WRN: variants seen among roughly 807,000 people sequenced by gnomAD.
WRN encodes the protein bifunctional 3'-5' exonuclease/ATP-dependent helicase WRN.
WRN carries 149 observed loss-of-function variants against 180.7 expected under a neutral mutation model. The ratio of observed to expected loss-of-function variants is 0.82; its 90% CI spans 0.72 to 0.94. The LOEUF (loss-of-function observed/expected upper bound fraction) is 0.94. Among genes scored for constraint, WRN ranks in the 40% least tolerant of loss-of-function variants. WRN has a pLI of 0.00. For missense variants in WRN, 1,661 were observed against 1,700.1 expected, an observed-to-expected ratio of 0.98 and a Z score of 0.40; for synonymous variants, 548 against 568.9, an observed-to-expected ratio of 0.96 and a Z score of 0.52.
intron 20 of WRN, among the ~76,000 whole-genome samples, chr8:31,116,821 A>G (rs1801540723): frequency 6.6e-6 from 1 of 152,192 alleles, no homozygotes; most frequent in African/African-American, 2.4e-5. Flanking sequence ...TTTTTCAAGT[A>G]TGCCAGGCCA....
chr8:31,066,966 T>C, intron 5 of WRN, 67 bp from the exon 6 acceptor site: 1 of 1,578,470 alleles, frequency 6.3e-7, no homozygotes, highest in East Asian at 2.2e-5. Flanking sequence ...TATGTTCATT[T>C]GATATCATTT....
chr8:31,064,959 A>G lies in WRN; in HGVS notation c.400A>G (p.Lys134Glu). The G allele has an allele frequency of 6.2e-7, 1 of 1,613,682 alleles. No homozygotes were observed. Among genetic ancestry groups the G allele is most frequent in the Non-Finnish European group, 8.5e-7 (1 of 1,179,766 alleles). Residue 134 changes from lysine (K) to glutamate (E), a missense_variant, in exon 5 of 35, where the codon AAA becomes GAA. Coordinates refer to ENST00000298139, the MANE Select transcript of WRN (RefSeq NM_000553.6). ...AATGTTGCTTGAAAATAAAGCAGTTAAAAAGGCAGGTGTAGGAATTGAAGG... is the reference window on the plus strand; with the variant it reads ...AATGTTGCTTGAAAATAAAGCAGTTGAAAAGGCAGGTGTAGGAATTGAAGG... ...LKMLLENKAVKKAGVGIEGDQ... is the reference protein window; with the variant it reads ...LKMLLENKAVEKAGVGIEGDQ...
At chr8:31,134,527 T>C (rs562066045) in intron 24 of WRN, among the ~76,000 whole-genome samples, 1 of 152,340 alleles carries the variant, frequency 6.6e-6, no homozygotes, top group South Asian at 2.1e-4. Context: ...GTTTTAGCTG[T>C]CTGAACAACT....
In WRN at chr8:31,043,016, C is replaced by G. The variant is rs560134494; in HGVS notation, c.-77+9043C>G. ...TCTTCAGTTGCAAGTAATGGAAAAA[C>G]CATTCAAACTGACTTCAGCAATAAA... On this transcript the variant is annotated intron_variant, in intron 1 of 34. Coordinates refer to ENST00000298139, the MANE Select transcript of WRN (RefSeq NM_000553.6). 3.3e-3 allele frequency among the ~76,000 whole-genome samples: 501 copies of G among 152,286 alleles called. 5 individuals carry two copies. The highest frequency in any genetic ancestry group is 0.012 in the African/African-American group (485 of 41,554).
intron 1 of WRN, among the ~76,000 whole-genome samples, chr8:31,056,650 G>A (rs1009870726): frequency 1.3e-5 from 2 of 152,132 alleles, no homozygotes; most frequent in African/African-American, 4.8e-5. Context: ...ACACGTTGTA[G>A]TTTTGTATGA....
chr8:31,054,137 A>G (rs1459587755), intron 1 of WRN, among the ~76,000 whole-genome samples: 8 of 152,172 alleles, frequency 5.3e-5, no homozygotes, highest in Non-Finnish European at 1.2e-4. Context: ...ATATTGTTAA[A>G]AAGTCTTGGT....
At chr8:31,073,687 C>T (rs1812994453) in intron 7 of WRN, among the ~76,000 whole-genome samples, 1 of 152,042 alleles carries the variant, frequency 6.6e-6, no homozygotes, top group African/African-American at 2.4e-5. Context: ...CTCAAGGGCA[C>T]ACCAGCATTT....
intron 20 of WRN, among the ~76,000 whole-genome samples, chr8:31,117,094 C>T (rs552407507): frequency 9.7e-4 from 147 of 152,284 alleles, no homozygotes; most frequent in Admixed American, 1.8e-3. Flanking sequence ...AAGAAGCAGT[C>T]TGGGCTTGGT....
chr8:31,127,033 A>C (rs1225540978), intron 23 of WRN, among the ~76,000 whole-genome samples: 1 of 152,244 alleles, frequency 6.6e-6, no homozygotes, highest in Non-Finnish European at 1.5e-5. Flanking sequence ...ACAGTGAATT[A>C]GATAACCTGC....
At chr8:31,129,109 A>G (rs1802047548) in intron 23 of WRN, among the ~76,000 whole-genome samples, 1 of 152,110 alleles carries the variant, frequency 6.6e-6, no homozygotes, top group South Asian at 2.1e-4. Context: ...CAGCTTCCCA[A>G]GTAGCTACAG....
At chr8:31,110,435 A>AT (rs1466354978) in intron 18 of WRN, among the ~76,000 whole-genome samples, 1 of 152,150 alleles carries the variant, frequency 6.6e-6, no homozygotes, top group Non-Finnish European at 1.5e-5. Context: ...TTTTGATTTA[A>AT]TTTTTTTAAT....
intron 34 of WRN, among the ~76,000 whole-genome samples, chr8:31,167,647 A>T (rs1803952804): frequency 6.6e-6 from 1 of 152,094 alleles, no homozygotes; most frequent in Non-Finnish European, 1.5e-5. Flanking sequence ...TATGATATTG[A>T]ATATCTGAGG....
chr8:31,162,277 G>A (rs1173174459), intron 33 of WRN, among the ~76,000 whole-genome samples: 1 of 151,712 alleles, frequency 6.6e-6, no homozygotes, highest in Admixed American at 6.6e-5. Context: ...TTTTGATTTT[G>A]TTAAATTTGT....
chr8:31,072,930 C>T (rs1812965465), intron 7 of WRN, among the ~76,000 whole-genome samples: 1 of 152,006 alleles, frequency 6.6e-6, no homozygotes, highest in Admixed American at 6.6e-5. Flanking sequence ...TTGGCTGGCT[C>T]TTTTGGAGGA....
In WRN at chr8:31,103,111, C is replaced by T. The variant is rs964362844; in HGVS notation, c.2088+2156C>T. On this transcript the variant is annotated intron_variant, in intron 18 of 34. Transcript: ENST00000298139. ...TCAATGTTGCTGTCTTCCACCTCCA[C>T]GTCTTATCCCACTGGAAGTTCTTTA... Among the ~76,000 whole-genome samples, 6 of 152,194 alleles carry T rather than the reference C, an allele frequency of 3.9e-5. No individual in the cohort carries two copies. The East Asian group carries it at 5.8e-4, about 15-fold the overall frequency.
intron 31 of WRN, among the ~76,000 whole-genome samples, chr8:31,152,217 G>C (rs1360742827): frequency 1.3e-5 from 2 of 152,028 alleles, no homozygotes; most frequent in Non-Finnish European, 2.9e-5. Flanking sequence ...TCTAGTCCCA[G>C]CTACTCGGGA....
At chr8:31,144,796 C>A (rs1353574684) in intron 28 of WRN, among the ~76,000 whole-genome samples, 1 of 152,074 alleles carries the variant, frequency 6.6e-6, no homozygotes, top group Admixed American at 6.6e-5. Flanking sequence ...GGCAAAAGTT[C>A]CTGAAGGAAA....
chr8:31,133,215 A>G (rs1361368965), intron 24 of WRN, among the ~76,000 whole-genome samples: 1 of 152,234 alleles, frequency 6.6e-6, no homozygotes, highest in Non-Finnish European at 1.5e-5. Context: ...AGCAAAGCTA[A>G]GTATTACACA....
intron 24 of WRN, 95 bp from the exon 25 acceptor site, chr8:31,141,335 T>C: frequency 6.7e-7 from 1 of 1,501,442 alleles, no homozygotes. Flanking sequence ...TGAAATTTAG[T>C]GTAAATCCAA....
Sources: allele counts gnomAD v4.1 joint callset (sites outside exome capture counted in the v4.1 genomes callset), GRCh38; gene constraint gnomAD v4.1.1; transcripts MANE v1.5; gene names NCBI Gene and HGNC (gene_info 2026-07-23, HGNC 2026-07-21).